Variants in ABTB2 observed in about 807,000 individuals in gnomAD.
The protein encoded by ABTB2 is ankyrin repeat and BTB domain containing 2.
ABTB2 carries 56 observed loss-of-function variants against 104.1 expected under a neutral mutation model. The ratio of observed to expected loss-of-function variants is 0.54; its 90% CI spans 0.43 to 0.67. ABTB2 has a LOEUF of 0.67. ABTB2 is among the 30% of genes least tolerant of loss of function. ABTB2 has a pLI of 0.00. For synonymous variants in ABTB2, 606 were observed against 608.2 expected (o/e 1.00, Z 0.05); for missense variants, 1,279 against 1,407.7 (o/e 0.91, Z 1.46).
At position 34,154,223 on chromosome 11, in the gene ABTB2, G is replaced by A. The variant is rs944373319; in HGVS notation, c.2880+42C>T. 16 of 1,491,142 alleles carry A rather than the reference G, an allele frequency of 1.1e-5. No homozygotes were observed. The highest frequency in any genetic ancestry group is 1.4e-5 in the Non-Finnish European group (15 of 1,070,608). The allele number at this position is 1,491,142 out of a possible 1,614,324, so 92.4% of individuals were successfully genotyped here. On this transcript the variant is annotated intron_variant, in intron 16 of 16. Transcript: ENST00000435224. The surrounding 1 kb of genome is among the most constrained non-coding windows in gnomAD (Gnocchi z 4.9). Reference sequence around the variant, plus strand: ...ACGGCCGAGGCCCCCGTGGAGCAGAGCATGTGGTGGGAGGTGGCCAGCAGG... The same window carrying A: ...ACGGCCGAGGCCCCCGTGGAGCAGAACATGTGGTGGGAGGTGGCCAGCAGG...
intron 1 of ABTB2, among the ~76,000 whole-genome samples, chr11:34,287,869 C>A (rs1214705416): frequency 3.3e-5 from 5 of 152,050 alleles, no homozygotes; most frequent in Non-Finnish European, 7.4e-5. Flanking sequence ...GTCTCCACTC[C>A]CCCAGAAAAG....
Position 34,177,050 on chromosome 11 carries a change from A to G in ABTB2, c.1245-3743T>C, listed in dbSNP as rs571897911. 1.7e-3 allele frequency among the ~76,000 whole-genome samples: 262 copies of G among 152,312 alleles called. 3 individuals carry two copies. Among genetic ancestry groups the G allele is most frequent in the Middle Eastern group, 6.8e-3 (2 of 294 alleles). ...TGCAGGAAAAGCCTTTATTTCAACC[A>G]TCAGCATTGGAGACTGAAGTGTAAA... On this transcript the variant is annotated intron_variant, in intron 3 of 16. Transcript: ENST00000435224.
intron 1 of ABTB2, among the ~76,000 whole-genome samples, chr11:34,238,183 G>A (rs190462783): frequency 1.3e-5 from 2 of 152,276 alleles, no homozygotes; most frequent in East Asian, 3.9e-4. Flanking sequence ...AAACATGCTA[G>A]CCACAGGGCC....
intron 1 of ABTB2, among the ~76,000 whole-genome samples, chr11:34,211,812 C>T (rs1853483472): frequency 6.8e-6 from 1 of 146,988 alleles, no homozygotes. Context: ...TTGCTTGAAA[C>T]TGGGAGGCAG....
chr11:34,296,573 G>C (rs565768194), intron 1 of ABTB2, among the ~76,000 whole-genome samples: 4 of 152,158 alleles, frequency 2.6e-5, no homozygotes, highest in Non-Finnish European at 4.4e-5. Flanking sequence ...AGGCCAGTGT[G>C]CCCTGTGGAT....
chr11:34,167,475 G>T, intron 6 of ABTB2, 115 bp from the exon 7 acceptor site: 1 of 866,996 alleles, frequency 1.2e-6, no homozygotes, highest in Non-Finnish European at 1.8e-6. Context: ...GATAATGTTT[G>T]CCTGGAGCAC....
At chr11:34,166,482 T>C (rs1476232068) in intron 7 of ABTB2, among the ~76,000 whole-genome samples, 2 of 152,238 alleles carry the variant, frequency 1.3e-5, no homozygotes, top group Non-Finnish European at 2.9e-5. Flanking sequence ...CAGGATGTGG[T>C]GGCCAGTGGG....
At chr11:34,199,716 G>C (rs1028630817) in intron 2 of ABTB2, among the ~76,000 whole-genome samples, 1 of 152,122 alleles carries the variant, frequency 6.6e-6, no homozygotes, top group African/African-American at 2.4e-5. Context: ...CCCTTACGTA[G>C]TTATCAGAGC....
intron 1 of ABTB2, among the ~76,000 whole-genome samples, chr11:34,300,587 A>G (rs1854692031): frequency 6.6e-6 from 1 of 152,212 alleles, no homozygotes; most frequent in African/African-American, 2.4e-5. Context: ...GCAATACTAC[A>G]TCTCACACAG....
intron 1 of ABTB2, among the ~76,000 whole-genome samples, chr11:34,254,886 T>C (rs1185531529): frequency 6.6e-6 from 1 of 152,144 alleles, no homozygotes; most frequent in African/African-American, 2.4e-5. Context: ...TTGGCCAGGC[T>C]GGTCTCAAAC....
rs559562003 is a variant in ABTB2, at chr11:34,291,836, A to G, written c.883+64865T>C. On this transcript the variant is annotated intron_variant, in intron 1 of 16. Coordinates refer to ENST00000435224, the MANE Select transcript of ABTB2 (RefSeq NM_145804.3). ...TTTAATTTTTAAAAAATTATTTAAC[A>G]TATATGGGCTGCTTTTGGTTGGGCA... Among the ~76,000 whole-genome samples, 8 of 152,146 alleles carry G rather than the reference A, an allele frequency of 5.3e-5. No individual in the cohort carries two copies. In the South Asian group the frequency reaches 1.5e-3, roughly 28 times the overall value.
At chr11:34,294,893 T>C (rs1318376697) in intron 1 of ABTB2, among the ~76,000 whole-genome samples, 2 of 151,942 alleles carry the variant, frequency 1.3e-5, no homozygotes, top group Non-Finnish European at 2.9e-5. Flanking sequence ...TTTTTTAATT[T>C]TTAGTAGAGA....
At chr11:34,212,970 C>A (rs1299165985) in intron 1 of ABTB2, among the ~76,000 whole-genome samples, 1 of 152,112 alleles carries the variant, frequency 6.6e-6, no homozygotes, top group Non-Finnish European at 1.5e-5. Context: ...GCCAGCAACC[C>A]CAATTTTCCT....
In ABTB2 at chr11:34,356,925, G is replaced by C; in HGVS notation, c.659C>G (p.Ser220Cys). The C allele has an allele frequency of 6.2e-7, 1 of 1,602,050 alleles. No homozygotes were observed. The highest frequency in any genetic ancestry group is 8.5e-7 in the Non-Finnish European group (1 of 1,174,584). The change falls in exon 1 of 17, where the codon TCC becomes TGC. Residue 220 changes from serine to cysteine, a missense_variant. Physicochemically the swap from Ser to Cys is moderately radical, Grantham distance 112. Transcript: ENST00000435224. The surrounding 1 kb of genome is among the most constrained non-coding windows in gnomAD (Gnocchi z 4.6). The part of the protein sequence containing the change: ...FFRWMVDTRI[S>C]VRIHEYAAIS... ...GGCTGCGTACTCGTGGATGCGCACGGAGATTCGGGTGTCCACCATCCAGCG... is the reference window on the plus strand; with the variant it reads ...GGCTGCGTACTCGTGGATGCGCACGCAGATTCGGGTGTCCACCATCCAGCG...
intron 3 of ABTB2, among the ~76,000 whole-genome samples, chr11:34,184,699 C>T (rs1159258389): frequency 6.6e-6 from 1 of 152,260 alleles, no homozygotes; most frequent in East Asian, 1.9e-4. Context: ...TCCAGCAGGC[C>T]TGGGCCTCAG....
At chr11:34,187,186 T>G (rs1231285360) in intron 3 of ABTB2, among the ~76,000 whole-genome samples, 1 of 152,204 alleles carries the variant, frequency 6.6e-6, no homozygotes, top group Non-Finnish European at 1.5e-5. Context: ...TGTAAAACTT[T>G]GTCTAGATGC....
rs61880410 is a variant in ABTB2, at chr11:34,172,434, G to A, written c.1397+721C>T. Among the ~76,000 whole-genome samples the A allele has an allele frequency of 1.9e-3, 122 of 62,634 alleles. 4 individuals carry two copies. The highest frequency in any genetic ancestry group is 7.2e-3 in the African/African-American group (115 of 15,908). 41.1% of individuals were successfully genotyped at this position (62,634 alleles called of 152,430 possible). ...TATATATATATGTGTGTGTGTGTGT[G>A]TATATAGATAGATAGATAGATAGAT... On this transcript the variant is annotated intron_variant, in intron 4 of 16. Transcript: ENST00000435224.
chr11:34,172,179 C>T (rs576274874), intron 4 of ABTB2, among the ~76,000 whole-genome samples: 1 of 151,792 alleles, frequency 6.6e-6, no homozygotes, highest in Non-Finnish European at 1.5e-5. Flanking sequence ...TTGAGACCAG[C>T]CTGACCAACA....
At position 34,151,221 on chromosome 11, in the gene ABTB2, A is replaced by G. The variant is rs968404173; in HGVS notation, c.*1166T>C. 2 of 152,504 alleles carry G rather than the reference A, an allele frequency of 1.3e-5. No homozygotes were observed. Among genetic ancestry groups the G allele is most frequent in the Non-Finnish European group, 2.9e-5 (2 of 68,046 alleles). 9.4% of individuals were successfully genotyped at this position (152,504 alleles called of 1,614,324 possible). ...AATGCCTGGGGCTTTTGGTGAATAA[A>G]TAGTTTTTAAGGTGCGGCCAGACAG... On this transcript the variant is annotated 3_prime_UTR_variant, in exon 17 of 17. Coordinates refer to ENST00000435224, the MANE Select transcript of ABTB2 (RefSeq NM_145804.3).
Sources: gnomAD v4.1 joint callset for allele counts (sites outside exome capture counted in the v4.1 genomes callset) on GRCh38, gnomAD v4.1.1 for gene constraint, Gnocchi (gnomAD v3.1) non-coding constraint, MANE v1.5 for transcripts, NCBI Gene and HGNC (gene_info 2026-07-23, HGNC 2026-07-21) for gene names.